GPRIN3: variants seen among roughly 807,000 people sequenced by gnomAD.
GPRIN3 encodes G protein-regulated inducer of neurite outgrowth 3.
GPRIN3 carries 12 observed loss-of-function variants against 13.7 expected under a neutral mutation model. The ratio of observed to expected loss-of-function variants is 0.87; its 90% confidence interval spans 0.56 to 1.42. The LOEUF (loss-of-function observed/expected upper bound fraction) is 1.42, where lower values mean the gene tolerates loss of function less well. Ranked by LOEUF, GPRIN3 falls within the 40% of genes most tolerant of loss-of-function variation. The pLI is 0.00. For synonymous variants in GPRIN3, 377 were observed against 372.7 expected, an observed-to-expected ratio of 1.01 and a Z score of -0.13; for missense variants, 1,009 against 958.7, an observed-to-expected ratio of 1.05 and a Z score of -0.69.
chr4:89,255,567 G>T (rs1213840664), intron 1 of GPRIN3, among the ~76,000 whole-genome samples: 2 of 152,146 alleles, frequency 1.3e-5, no homozygotes, highest in Non-Finnish European at 2.9e-5. Flanking sequence ...CAAGGAGAGG[G>T]TTGTGGTGGG....
rs1288311021 is a variant in GPRIN3 at position 89,241,162 on chromosome 4, T to C, written c.*6618A>G. On this transcript the variant is annotated 3_prime_UTR_variant, in exon 2 of 2. Coordinates refer to ENST00000609438, the MANE Select transcript of GPRIN3 (RefSeq NM_198281.3). Reference sequence around the variant, plus strand: ...TAATATGCCAATGTACTGATTACTATATTCAGCCTTTGTGATAATTATGTT... The same window carrying C: ...TAATATGCCAATGTACTGATTACTACATTCAGCCTTTGTGATAATTATGTT... 1 of 152,086 alleles carries C rather than the reference T, an allele frequency of 6.6e-6. No individual in the cohort carries two copies. Among genetic ancestry groups the C allele is most frequent in the Non-Finnish European group, 1.5e-5 (1 of 68,008 alleles). The allele number at this position is 152,086 out of a possible 1,614,324, so 9.4% of individuals were successfully genotyped here. A position where few individuals can be genotyped will look rare whatever the true frequency, so the allele number is the denominator to read the frequency against.
chr4:89,296,871 T>C (rs1166343521), intron 1 of GPRIN3, among the ~76,000 whole-genome samples: 1 of 152,264 alleles, frequency 6.6e-6, no homozygotes, highest in Non-Finnish European at 1.5e-5. Context: ...ACCCTGTGTT[T>C]TTTTAAATGT....
rs558204996 is a variant in GPRIN3 at position 89,303,313 on chromosome 4, G to A, written c.-124+4302C>T. ...TGTCAGTTCCTCACATGACCACCTC[G>A]GCCTTCTGTGCCAACGACTGTAGTT... On this transcript the variant is annotated intron_variant, in intron 1 of 1. Coordinates refer to ENST00000609438, the MANE Select transcript of GPRIN3 (RefSeq NM_198281.3). 5.3e-5 allele frequency among the ~76,000 whole-genome samples: 8 copies of A among 152,178 alleles called. No individual in the cohort carries two copies. In the South Asian group the frequency reaches 1.5e-3, roughly 28 times the overall value.
chr4:89,270,602 A>ATATATATATATAT (rs1561205844), intron 1 of GPRIN3, among the ~76,000 whole-genome samples: 5 of 55,598 alleles, frequency 9.0e-5, no homozygotes, highest in South Asian at 8.1e-4. Context: ...TATATATATA[A>ATATATATATATAT]AATATAGATA....
chr4:89,291,693 G>A (rs1724575970), intron 1 of GPRIN3, among the ~76,000 whole-genome samples: 1 of 152,054 alleles, frequency 6.6e-6, no homozygotes, highest in African/African-American at 2.4e-5. Context: ...GTGGTCATAT[G>A]GTAAGTGAAC....
chr4:89,250,313 A>G (rs1723293431), intron 1 of GPRIN3, 80 bp from the exon 2 acceptor site: 2 of 1,057,838 alleles, frequency 1.9e-6, no homozygotes, highest in East Asian at 5.9e-5. Context: ...CGTTTTTATA[A>G]GAGCACATTA....
intron 1 of GPRIN3, among the ~76,000 whole-genome samples, chr4:89,270,565 T>TTATATATATATATATATA (rs1199230242): frequency 2.1e-3 from 176 of 82,272 alleles, no homozygotes; most frequent in East Asian, 5.0e-3. Flanking sequence ...TGTATATAAT[T>TTATATATATATATATATA]TATATATATA....
intron 1 of GPRIN3, among the ~76,000 whole-genome samples, chr4:89,304,995 A>T (rs1450497758): frequency 6.6e-6 from 1 of 152,216 alleles, no homozygotes; most frequent in Non-Finnish European, 1.5e-5. Context: ...TATTTGAAGA[A>T]TATAAATTTG....
intron 1 of GPRIN3, among the ~76,000 whole-genome samples, chr4:89,304,903 T>G (rs1377163470): frequency 6.6e-6 from 1 of 152,230 alleles, no homozygotes; most frequent in African/African-American, 2.4e-5. Flanking sequence ...CATTTGTAGA[T>G]GAAATATTTG....
intron 1 of GPRIN3, among the ~76,000 whole-genome samples, chr4:89,270,965 C>A (rs1200482540): frequency 6.6e-6 from 1 of 152,000 alleles, no homozygotes; most frequent in Non-Finnish European, 1.5e-5. Flanking sequence ...GGGATAGGTA[C>A]CGTGGTCAGG....
chr4:89,255,626 G>A (rs572696448), intron 1 of GPRIN3, among the ~76,000 whole-genome samples: 1 of 152,276 alleles, frequency 6.6e-6, no homozygotes, highest in Admixed American at 6.5e-5. Flanking sequence ...GACATCAAGC[G>A]AAGGGGGATT....
rs1327588570 is a variant in GPRIN3, at chr4:89,248,091, G to A, written c.2020C>T (p.Gln674Ter). Reference sequence around the variant, plus strand: ...CTGACACGCTTGGACTGTTTCAGCTGGAGCTTGGAGTCTGCGCCAAGCTGC... The same window carrying A: ...CTGACACGCTTGGACTGTTTCAGCTAGAGCTTGGAGTCTGCGCCAAGCTGC... ...KKQLGADSKL[Q>*]LKQSKRVRDV... Residue 674 changes from glutamine (Q) to a stop codon, truncating the protein, a stop_gained, in exon 2 of 2, where the codon CAG becomes TAG. Coordinates refer to ENST00000609438, the MANE Select transcript of GPRIN3 (RefSeq NM_198281.3). LOFTEE classifies it high-confidence loss of function. The A allele has an allele frequency of 4.3e-6, 7 of 1,614,154 alleles. 1 individual carries two copies. The South Asian group carries it at 4.4e-5, about 10-fold the overall frequency.
intron 1 of GPRIN3, among the ~76,000 whole-genome samples, chr4:89,256,173 C>T (rs1215909225): frequency 6.6e-6 from 1 of 151,954 alleles, no homozygotes; most frequent in Non-Finnish European, 1.5e-5. Flanking sequence ...TAACTGTAAC[C>T]ATGAGAAGAA....
intron 1 of GPRIN3, among the ~76,000 whole-genome samples, chr4:89,270,568 TATATATATATATA>T (rs1723910328): frequency 4.1e-5 from 2 of 49,324 alleles, no homozygotes; most frequent in Admixed American, 1.8e-4. Flanking sequence ...ATATAATTTA[TATATATATATATA>T]TATATATATA....
rs1723433454 is a variant in GPRIN3 at position 89,255,175 on chromosome 4, CTTG to C, written c.-123-4945_-123-4943del. Among the ~76,000 whole-genome samples, 5 of 151,964 alleles carry C rather than the reference CTTG, an allele frequency of 3.3e-5. No individual in the cohort carries two copies. The South Asian group carries it at 1.0e-3, about 32-fold the overall frequency. Reference sequence around the variant, plus strand: ...AGAACATGGACTCTGGGGCAGACTCCTTGGATTAGAATATCAGTTCCACCACCT... The same window carrying C: ...AGAACATGGACTCTGGGGCAGACTCCGATTAGAATATCAGTTCCACCACCT... On this transcript the variant is annotated intron_variant, in intron 1 of 1. Coordinates refer to ENST00000609438, the MANE Select transcript of GPRIN3 (RefSeq NM_198281.3).
chr4:89,286,091 G>GTATATATATATA lies in GPRIN3; in HGVS notation c.-124+21512_-124+21523dup, dbSNP rs35444036. Among the ~76,000 whole-genome samples the GTATATATATATA allele has an allele frequency of 2.9e-3, 421 of 146,696 alleles. 3 individuals carry two copies. The highest frequency in any genetic ancestry group is 9.8e-3 in the African/African-American group (391 of 39,738). On this transcript the variant is annotated intron_variant, in intron 1 of 1. Transcript: ENST00000609438. Reference sequence around the variant, plus strand: ...TACATGTGTACGTGTATGTGTGTGTGTATATATATATATATATATATATGT... The same window carrying GTATATATATATA: ...TACATGTGTACGTGTATGTGTGTGTGTATATATATATATATATATATATATATATATATATGT...
chr4:89,248,509 A>T lies in GPRIN3; in HGVS notation c.1602T>A (p.Asp534Glu). ...GAGATGCAGGCTTCTTTTCCCTTGC[A>T]TCTCCTTTATTAGTGGGATCCAAGC... ...SGSLDPTNKG[D>E]AREKKPASPQ... Residue 534 changes from aspartate to glutamate, a missense_variant, in exon 2 of 2, where the codon GAT becomes GAA. Coordinates refer to ENST00000609438, the MANE Select transcript of GPRIN3 (RefSeq NM_198281.3). 3.1e-6 allele frequency: 5 copies of T among 1,612,970 alleles called. No individual in the cohort carries two copies. In the South Asian group the frequency reaches 3.3e-5, roughly 11 times the overall value.
intron 1 of GPRIN3, among the ~76,000 whole-genome samples, chr4:89,261,786 C>A (rs1723634160): frequency 6.6e-6 from 1 of 152,042 alleles, no homozygotes; most frequent in East Asian, 1.9e-4. Flanking sequence ...GAATACTAAG[C>A]AGCCATACTC....
intron 1 of GPRIN3, among the ~76,000 whole-genome samples, chr4:89,267,317 T>C (rs2149268516): frequency 6.6e-6 from 1 of 152,348 alleles, no homozygotes; most frequent in Non-Finnish European, 1.5e-5. Flanking sequence ...TCTTGTTTTA[T>C]ATCAATGCAC....
Sources: allele counts gnomAD v4.1 joint callset (sites outside exome capture counted in the v4.1 genomes callset), GRCh38; gene constraint gnomAD v4.1.1; transcripts MANE v1.5; gene names NCBI Gene and HGNC (gene_info 2026-07-23, HGNC 2026-07-21).